CFAP54: variants seen among roughly 807,000 people sequenced by gnomAD.
The protein encoded by CFAP54 is cilia- and flagella-associated protein 54.
CFAP54 carries 290 observed loss-of-function variants against 370.4 expected under a neutral mutation model. The observed-to-expected ratio is 0.78, with a 90% CI of 0.71 to 0.86. CFAP54 has a LOEUF of 0.86. Ranked by LOEUF, CFAP54 falls within the 40% of genes least tolerant of loss-of-function variation. CFAP54 has a pLI of 0.00. For synonymous variants in CFAP54, 1,206 were observed against 1,236.5 expected, an observed-to-expected ratio of 0.98 and a Z score of 0.52; for missense variants, 3,399 against 3,528.7, an observed-to-expected ratio of 0.96 and a Z score of 0.93.
chr12:96,570,686 G>A (rs541444794), intron 19 of CFAP54, among the ~76,000 whole-genome samples: 1 of 152,272 alleles, frequency 6.6e-6, no homozygotes. Flanking sequence ...AAGTAATGAT[G>A]CATATAAAAT....
At chr12:96,819,203 A>G (rs952310285) in intron 65 of CFAP54, among the ~76,000 whole-genome samples, 1 of 152,198 alleles carries the variant, frequency 6.6e-6, no homozygotes, top group East Asian at 1.9e-4. Context: ...TCCAAATCTG[A>G]GTGAGTCAGC....
At chr12:96,549,310 A>G (rs562819481) in intron 15 of CFAP54, among the ~76,000 whole-genome samples, 7 of 152,270 alleles carry the variant, frequency 4.6e-5, no homozygotes, top group Admixed American at 3.9e-4. Flanking sequence ...GGCAATTAAA[A>G]CCACTATATG....
chr12:96,742,119 A>G lies in CFAP54; in HGVS notation c.7072-320A>G, dbSNP rs556003241. Among the ~76,000 whole-genome samples, 5 of 152,354 alleles carry G rather than the reference A, an allele frequency of 3.3e-5. No homozygotes were observed. In the East Asian group the frequency reaches 9.6e-4, roughly 29 times the overall value. On this transcript the variant is annotated intron_variant, in intron 51 of 67. Transcript: ENST00000524981. ...GAAATGACATTTACAAAAACTTTTA[A>G]TGACACAGAAACTGCTGATAATATA...
At chr12:96,733,174 A>C (rs1957941076) in intron 50 of CFAP54, among the ~76,000 whole-genome samples, 1 of 152,100 alleles carries the variant, frequency 6.6e-6, no homozygotes, top group Middle Eastern at 3.2e-3. Flanking sequence ...CCTGCAAAAA[A>C]CTTTGATGTT....
Position 96,522,102 on chromosome 12 carries a change from C to T in CFAP54, c.1071C>T (p.Ile357=). The T allele has an allele frequency of 6.5e-7, 1 of 1,535,352 alleles. No individual in the cohort carries two copies. Among genetic ancestry groups the T allele is most frequent in the South Asian group, 1.2e-5 (1 of 83,834 alleles). The change falls in exon 8 of 68, where the codon ATC becomes ATT. Residue 357 remains isoleucine, a synonymous_variant. Transcript: ENST00000524981. ...REATMKMAVM[I]FKRGVFESRR... ...TTTTGAGGCAGATGGCAGTGATGAT[C>T]TTCAAAAGAGGAGTCTTTGAATCTA...
intron 60 of CFAP54, among the ~76,000 whole-genome samples, chr12:96,766,298 G>A (rs906739579): frequency 1.8e-4 from 27 of 151,528 alleles, no homozygotes; most frequent in Middle Eastern, 3.4e-3. Context: ...TATTTCCTTC[G>A]TGCCTGGGAG....
At chr12:96,868,430 C>CT (rs35020483) in intron 67 of CFAP54, among the ~76,000 whole-genome samples, 67,762 of 138,068 alleles carry the variant, frequency 0.49, 17,706 homozygotes, top group Non-Finnish European at 0.59. Context: ...GTATGTTCAT[C>CT]TTTTTTTTTT....
At position 96,621,661 on chromosome 12, in the gene CFAP54, C is replaced by T. The variant is rs1049872068; in HGVS notation, c.3711C>T (p.Ile1237=). The T allele has an allele frequency of 1.8e-5, 28 of 1,528,692 alleles. No individual in the cohort carries two copies. In the East Asian group the frequency reaches 2.0e-4, roughly 11 times the overall value. 94.7% of individuals were successfully genotyped at this position (1,528,692 alleles called of 1,614,324 possible). ...IINYGKKMLD[I]TPGCKSLFDG... Reference sequence around the variant, plus strand: ...ATTATGGGAAAAAAATGTTGGACATCACACCAGGATGCAAGTCTCTGTTTG... The same window carrying T: ...ATTATGGGAAAAAAATGTTGGACATTACACCAGGATGCAAGTCTCTGTTTG... Residue 1237 remains isoleucine (I), a synonymous_variant, in exon 27 of 68, where the codon ATC becomes ATT. Coordinates refer to ENST00000524981, the MANE Select transcript of CFAP54 (RefSeq NM_001306084.2).
intron 26 of CFAP54, among the ~76,000 whole-genome samples, chr12:96,615,301 C>T (rs1447431353): frequency 6.6e-6 from 1 of 152,194 alleles, no homozygotes; most frequent in African/African-American, 2.4e-5. Context: ...GGAAAACTTG[C>T]TAGCCATATG....
chr12:96,702,357 G>C (rs1957501540), intron 46 of CFAP54, among the ~76,000 whole-genome samples: 1 of 152,080 alleles, frequency 6.6e-6, no homozygotes, highest in African/African-American at 2.4e-5. Flanking sequence ...GACACATTTG[G>C]GAATGCTGGA....
At chr12:96,813,266 G>C (rs1248123002) in intron 64 of CFAP54, among the ~76,000 whole-genome samples, 1 of 152,112 alleles carries the variant, frequency 6.6e-6, no homozygotes, top group East Asian at 1.9e-4. Flanking sequence ...CATCACAGAG[G>C]ACCATGCCCA....
At chr12:96,618,807 G>T (rs561835890) in intron 26 of CFAP54, among the ~76,000 whole-genome samples, 1 of 152,084 alleles carries the variant, frequency 6.6e-6, no homozygotes, top group Non-Finnish European at 1.5e-5. Flanking sequence ...TGACTTGCTG[G>T]CCAGGACCCC....
rs181091283 is a variant in CFAP54, at chr12:96,568,179, C to T, written c.2619+3414C>T. On this transcript the variant is annotated intron_variant, in intron 19 of 67. Transcript: ENST00000524981. Reference sequence around the variant, plus strand: ...TTTTTTAGGGAGGGAAGAATATACACGGACGATTTTCTTTTTTCAGAGATC... The same window carrying T: ...TTTTTTAGGGAGGGAAGAATATACATGGACGATTTTCTTTTTTCAGAGATC... Among the ~76,000 whole-genome samples, 775 of 149,462 alleles carry T rather than the reference C, an allele frequency of 5.2e-3. 11 individuals are homozygous for T. The highest frequency in any genetic ancestry group is 0.018 in the African/African-American group (728 of 40,616).
chr12:96,728,543 C>T (rs957050160), intron 50 of CFAP54, among the ~76,000 whole-genome samples: 30 of 152,192 alleles, frequency 2.0e-4, no homozygotes, highest in Non-Finnish European at 3.5e-4. Context: ...CCTTTAAGCA[C>T]TTCTCTGTAT....
chr12:96,790,623 T>C lies in CFAP54; in HGVS notation c.8680-1706T>C, dbSNP rs575647000. 1.3e-4 allele frequency among the ~76,000 whole-genome samples: 20 copies of C among 151,928 alleles called. No homozygotes were observed. In the South Asian group the frequency reaches 4.2e-3, roughly 32 times the overall value. ...TCAGAACCTCTGAAAATCACTCAGATATGAAGAAATTTAAGAAATTATTTT... is the reference window on the plus strand; with the variant it reads ...TCAGAACCTCTGAAAATCACTCAGACATGAAGAAATTTAAGAAATTATTTT... On this transcript the variant is annotated intron_variant, in intron 62 of 67. Coordinates refer to ENST00000524981, the MANE Select transcript of CFAP54 (RefSeq NM_001306084.2).
intron 48 of CFAP54, among the ~76,000 whole-genome samples, chr12:96,715,211 G>T (rs1268116884): frequency 6.6e-6 from 1 of 152,162 alleles, no homozygotes; most frequent in Non-Finnish European, 1.5e-5. Context: ...GGGAAATGGA[G>T]CAGGACTTCT....
chr12:96,840,394 A>G (rs1346065428), intron 66 of CFAP54, among the ~76,000 whole-genome samples: 1 of 152,190 alleles, frequency 6.6e-6, no homozygotes, highest in Non-Finnish European at 1.5e-5. Context: ...GGATGGTGCT[A>G]GGCTATTTAA....
chr12:96,851,875 A>G (rs1358079528), intron 66 of CFAP54, among the ~76,000 whole-genome samples: 1 of 152,074 alleles, frequency 6.6e-6, no homozygotes, highest in Admixed American at 6.5e-5. Context: ...GGGAGTTCTT[A>G]GCCTGTGAAA....
At chr12:96,851,453 C>T (rs1431132225) in intron 66 of CFAP54, among the ~76,000 whole-genome samples, 4 of 151,922 alleles carry the variant, frequency 2.6e-5, no homozygotes, top group Admixed American at 6.6e-5. Flanking sequence ...AGTTTTAGCT[C>T]TTGTAATAAG....
Sources: allele counts gnomAD v4.1 joint callset (sites outside exome capture counted in the v4.1 genomes callset), GRCh38; gene constraint gnomAD v4.1.1; transcripts MANE v1.5; gene names NCBI Gene and HGNC (gene_info 2026-07-23, HGNC 2026-07-21).